Variants in PLEKHG7 observed in about 807,000 individuals in gnomAD.
PLEKHG7 encodes pleckstrin homology domain-containing family G member 7.
Under a neutral mutation model 85.2 loss-of-function variants are expected in PLEKHG7, and 77 were observed. The observed-to-expected ratio is 0.90, with a 90% confidence interval of 0.75 to 1.09. The LOEUF (loss-of-function observed/expected upper bound fraction) is 1.09, where lower values mean the gene tolerates loss of function less well. Ranked by LOEUF, PLEKHG7 falls within the 50% of genes least tolerant of loss-of-function variation. PLEKHG7 has a pLI of 0.00. For missense variants in PLEKHG7, 777 were observed against 804.3 expected (o/e 0.97, Z 0.41); for synonymous variants, 301 against 302.4 (o/e 1.00, Z 0.05).
Position 92,761,624 on chromosome 12 carries a change from A to AAAG in PLEKHG7, c.1637-127_1637-126insAGA, listed in dbSNP as rs1223768235. On this transcript the variant is annotated intron_variant, in intron 13 of 16. Coordinates refer to ENST00000344636, the MANE Select transcript of PLEKHG7 (RefSeq NM_001377329.1). Reference sequence around the variant, plus strand: ...AAGAAAGAAAAAGAAAGAAAGAAAGAAGAAAGAAAGAAAGAAAGAAAGAAA... The same window carrying AAAG: ...AAGAAAGAAAAAGAAAGAAAGAAAGAAAGAGAAAGAAAGAAAGAAAGAAAGAAA... The AAAG allele has an allele frequency of 5.6e-5, 3 of 53,900 alleles. No homozygotes were observed. In the African/African-American group the frequency reaches 1.4e-3, roughly 26 times the overall value. 3.3% of individuals were successfully genotyped at this position (53,900 alleles called of 1,614,324 possible).
At chr12:92,746,186 C>CTTTGATA (rs1284937171) in intron 10 of PLEKHG7, among the ~76,000 whole-genome samples, 3 of 152,204 alleles carry the variant, frequency 2.0e-5, no homozygotes, top group African/African-American at 4.8e-5. Context: ...TTGGTCCCTG[C>CTTTGATA]TTTGATATTT....
At chr12:92,740,818 C>A (rs771570056) in intron 7 of PLEKHG7, 35 bp from the exon 8 acceptor site, 1 of 1,435,810 alleles carries the variant, frequency 7.0e-7, no homozygotes, top group Non-Finnish European at 9.6e-7. Context: ...AATTAAAAAA[C>A]AGAAATTAAT....
chr12:92,743,557 TG>T (rs1265616965), intron 9 of PLEKHG7, among the ~76,000 whole-genome samples: 1 of 91,442 alleles, frequency 1.1e-5, no homozygotes, highest in African/African-American at 4.2e-5. Flanking sequence ...CTATTTTTGG[TG>T]GGGGAGGGGG....
At chr12:92,739,097 C>T (rs937405040) in intron 7 of PLEKHG7, among the ~76,000 whole-genome samples, 3 of 152,246 alleles carry the variant, frequency 2.0e-5, no homozygotes, top group African/African-American at 7.2e-5. Flanking sequence ...ACCCTGCCTT[C>T]CATGGCATTA....
intron 15 of PLEKHG7, 39 bp downstream of exon 15, chr12:92,764,233 C>T (rs752340275): frequency 6.5e-7 from 1 of 1,546,300 alleles, no homozygotes; most frequent in Non-Finnish European, 8.8e-7. Context: ...ATCTGTTTGC[C>T]ATCACAGAGT....
intron 5 of PLEKHG7, among the ~76,000 whole-genome samples, chr12:92,733,273 G>A (rs941127610): frequency 5.3e-5 from 8 of 152,152 alleles, no homozygotes; most frequent in South Asian, 2.1e-4. Context: ...AACGAATGCC[G>A]TATAATGCAA....
chr12:92,738,035 C>T (rs1277290630), intron 7 of PLEKHG7, among the ~76,000 whole-genome samples: 3 of 152,162 alleles, frequency 2.0e-5, no homozygotes, highest in Admixed American at 6.5e-5. Context: ...CATCTTTGCT[C>T]GGCTTTCTCT....
At chr12:92,766,713 C>G (rs746492156) in intron 15 of PLEKHG7, among the ~76,000 whole-genome samples, 15 of 152,056 alleles carry the variant, frequency 9.9e-5, no homozygotes, top group Non-Finnish European at 1.9e-4. Flanking sequence ...ACCTGTAATT[C>G]CAGCTACTGG....
rs954056917 is a variant in PLEKHG7 at position 92,713,196 on chromosome 12, C to A, written c.530+5524C>A. Among the ~76,000 whole-genome samples the A allele has an allele frequency of 3.9e-5, 6 of 152,182 alleles. 1 individual carries two copies. Among genetic ancestry groups the A allele is most frequent in the African/African-American group, 1.4e-4 (6 of 41,448 alleles). Reference sequence around the variant, plus strand: ...TCCTTCCTCAAGGGGACCTGGCCTTCCCTTTATTCAAGGGGTTCTGGGTTT... The same window carrying A: ...TCCTTCCTCAAGGGGACCTGGCCTTACCTTTATTCAAGGGGTTCTGGGTTT... On this transcript the variant is annotated intron_variant, in intron 3 of 16. Transcript: ENST00000344636.
rs564231618 is a variant in PLEKHG7, at chr12:92,729,120, G to C, written c.658G>C (p.Glu220Gln). 1.9e-5 allele frequency: 23 copies of C among 1,231,644 alleles called. No individual in the cohort carries two copies. In the South Asian group the frequency reaches 9.1e-4, roughly 48 times the overall value. The allele number at this position is 1,231,644 out of a possible 1,614,324, so 76.3% of individuals were successfully genotyped here. ...CCATCCACTTCTGCTGCTGAATTCA[G>C]GTTCTGTTCATTCAGTATACTTTCA... Reference protein sequence around the residue: ...LCHPLLLLNSESKKPRWPFSK... With the variant: ...LCHPLLLLNSQSKKPRWPFSK... Residue 220 changes from glutamate to glutamine, a missense_variant and splice_region_variant, in exon 4 of 17, where the codon GAA (glutamate) becomes CAA (glutamine). Coordinates refer to ENST00000344636, the MANE Select transcript of PLEKHG7 (RefSeq NM_001377329.1).
chr12:92,721,487 C>G (rs1041454747), intron 3 of PLEKHG7: 13 of 1,228,662 alleles, frequency 1.1e-5, no homozygotes, highest in African/African-American at 1.6e-5. Context: ...GGACTAGTCC[C>G]TTCGGATCTG....
intron 3 of PLEKHG7, among the ~76,000 whole-genome samples, chr12:92,714,498 T>A (rs1871429962): frequency 6.6e-6 from 1 of 152,202 alleles, no homozygotes; most frequent in Admixed American, 6.5e-5. Flanking sequence ...GGTCAGCTAC[T>A]CACATAATAA....
intron 7 of PLEKHG7, among the ~76,000 whole-genome samples, chr12:92,737,749 GAGGAAGGAAGGAAGGA>G (rs777765567): frequency 3.2e-5 from 4 of 125,938 alleles, no homozygotes; most frequent in Non-Finnish European, 6.5e-5. Context: ...GGGAGGGAGG[GAGGAAGGAAGGAAGGA>G]AGGAAGGGAA....
At chr12:92,736,043 C>T (rs1872136057) in intron 5 of PLEKHG7, among the ~76,000 whole-genome samples, 1 of 152,228 alleles carries the variant, frequency 6.6e-6, no homozygotes, top group Non-Finnish European at 1.5e-5. Context: ...CGCTTGAACA[C>T]TGGGCTTTAT....
intron 4 of PLEKHG7, among the ~76,000 whole-genome samples, chr12:92,731,832 G>A (rs1009747994): frequency 3.3e-5 from 5 of 152,180 alleles, no homozygotes; most frequent in Non-Finnish European, 7.3e-5. Context: ...TGATGGGGGC[G>A]TTCTGGAAAG....
At chr12:92,717,654 G>A (rs1871527191) in intron 3 of PLEKHG7, among the ~76,000 whole-genome samples, 1 of 152,186 alleles carries the variant, frequency 6.6e-6, no homozygotes, top group Non-Finnish European at 1.5e-5. Flanking sequence ...TTCCCATTGT[G>A]TTACTGCTGC....
chr12:92,764,290 C>A, intron 15 of PLEKHG7, 96 bp downstream of exon 15: 1 of 1,277,560 alleles, frequency 7.8e-7, no homozygotes, highest in Non-Finnish European at 1.1e-6. Flanking sequence ...CAATTCAAGT[C>A]TTCATAAAAA....
intron 10 of PLEKHG7, among the ~76,000 whole-genome samples, chr12:92,753,559 C>T (rs1872747931): frequency 6.6e-6 from 1 of 152,202 alleles, no homozygotes; most frequent in South Asian, 2.1e-4. Context: ...TTGTCCGCAT[C>T]TCTACCTCTC....
At chr12:92,737,609 AAAAGAAAGAGAGAAAAG>A (rs1872197985) in intron 7 of PLEKHG7, 88 bp downstream of exon 7, 4 of 1,308,932 alleles carry the variant, frequency 3.1e-6, no homozygotes, top group Non-Finnish European at 3.2e-6. Flanking sequence ...AGAAATAAAG[AAAAGAAAGAGAGAAAAG>A]AAAGAAAGAG....
Sources: gnomAD v4.1 joint callset for allele counts (sites outside exome capture counted in the v4.1 genomes callset) on GRCh38, gnomAD v4.1.1 for gene constraint, MANE v1.5 for transcripts, NCBI Gene and HGNC (gene_info 2026-07-23, HGNC 2026-07-21) for gene names.